SLC24A2: variants seen among roughly 807,000 people sequenced by gnomAD.
The protein encoded by SLC24A2 is sodium/potassium/calcium exchanger 2.
In SLC24A2, 36 loss-of-function variants were observed where a neutral mutation model predicts 62.0. That is an observed-to-expected ratio of 0.58 (90% confidence interval 0.44 to 0.77). The LOEUF (loss-of-function observed/expected upper bound fraction) is 0.77, where lower values mean the gene tolerates loss of function less well. Ranked by LOEUF, SLC24A2 falls within the 30% of genes least tolerant of loss-of-function variation. The pLI is 0.00. For missense variants in SLC24A2, 846 were observed against 817.9 expected (o/e 1.03, Z -0.42); for synonymous variants, 358 against 294.0 (o/e 1.22, Z -2.23).
At chr9:19,736,293 T>C (rs1233256883) in intron 2 of SLC24A2, among the ~76,000 whole-genome samples, 1 of 151,980 alleles carries the variant, frequency 6.6e-6, no homozygotes, top group Admixed American at 6.6e-5. Context: ...AGAAAACAGA[T>C]GATGGATTTA....
chr9:19,555,653 A>C (rs1238685803), intron 7 of SLC24A2, among the ~76,000 whole-genome samples: 1 of 152,228 alleles, frequency 6.6e-6, no homozygotes, highest in African/African-American at 2.4e-5. Context: ...TCAGGTTGAA[A>C]AGACTTGAGA....
chr9:20,217,843 G>C, the SLC24A2 span, among the ~76,000 whole-genome samples: 1 of 152,266 alleles, frequency 6.6e-6, no homozygotes, highest in Non-Finnish European at 1.5e-5. Flanking sequence ...CCTGATCCCA[G>C]TTTGCTTTTG....
chr9:20,070,098 A>G, the SLC24A2 span, among the ~76,000 whole-genome samples: 2 of 152,228 alleles, frequency 1.3e-5, no homozygotes, highest in Non-Finnish European at 2.9e-5. Context: ...CTTTAAATGA[A>G]CATTAAATTG....
the SLC24A2 span, among the ~76,000 whole-genome samples, chr9:20,083,750 C>T: frequency 5.9e-5 from 9 of 152,178 alleles, no homozygotes; most frequent in Admixed American, 3.3e-4. Context: ...GCCCCCTCAG[C>T]AATTATTCAT....
At chr9:19,821,725 A>G in the SLC24A2 span, among the ~76,000 whole-genome samples, 1 of 152,174 alleles carries the variant, frequency 6.6e-6, no homozygotes, top group African/African-American at 2.4e-5. Context: ...AATATTGTAT[A>G]TCCTAACTTT....
At chr9:19,775,332 T>A (rs1388802154) in intron 2 of SLC24A2, among the ~76,000 whole-genome samples, 1 of 152,228 alleles carries the variant, frequency 6.6e-6, no homozygotes, top group Non-Finnish European at 1.5e-5. Flanking sequence ...TTCCACCTGA[T>A]GACAAGCTCA....
At chr9:20,177,746 A>G in the SLC24A2 span, among the ~76,000 whole-genome samples, 1 of 152,256 alleles carries the variant, frequency 6.6e-6, no homozygotes, top group Non-Finnish European at 1.5e-5. Flanking sequence ...AGACAAGAAA[A>G]CTAGTATCTA....
At chr9:19,736,340 T>C (rs1339548145) in intron 2 of SLC24A2, among the ~76,000 whole-genome samples, 1 of 152,058 alleles carries the variant, frequency 6.6e-6, no homozygotes, top group Non-Finnish European at 1.5e-5. Flanking sequence ...CAAATGCAAA[T>C]TGATTAAATC....
the SLC24A2 span, among the ~76,000 whole-genome samples, chr9:20,258,848 T>TGC: frequency 7.0e-6 from 1 of 141,854 alleles, no homozygotes; most frequent in East Asian, 2.1e-4. Flanking sequence ...TATCTATCTA[T>TGC]CTATCTAATG....
At chr9:19,827,154 A>C in the SLC24A2 span, among the ~76,000 whole-genome samples, 1 of 152,274 alleles carries the variant, frequency 6.6e-6, no homozygotes, top group East Asian at 1.9e-4. Context: ...TAACACACAC[A>C]CAAGGCTGAG....
the SLC24A2 span, among the ~76,000 whole-genome samples, chr9:19,880,945 C>T: frequency 1.3e-5 from 2 of 152,098 alleles, no homozygotes; most frequent in African/African-American, 4.8e-5. Flanking sequence ...AGGTTCCAGT[C>T]TTGGCTCTTT....
chr9:19,889,487 C>G, the SLC24A2 span, among the ~76,000 whole-genome samples: 128 of 141,430 alleles, frequency 9.1e-4, no homozygotes, highest in African/African-American at 3.1e-3. Context: ...CCATAGGCCT[C>G]CATTCATGCT....
chr9:19,787,592 T>G (rs1823213065), intron 1 of SLC24A2, among the ~76,000 whole-genome samples: 1 of 152,240 alleles, frequency 6.6e-6, no homozygotes, highest in South Asian at 2.1e-4. Context: ...TATCAGATCT[T>G]ATTTTTCATA....
intron 5 of SLC24A2, among the ~76,000 whole-genome samples, chr9:19,581,670 T>C (rs561771995): frequency 1.3e-5 from 2 of 152,258 alleles, no homozygotes; most frequent in South Asian, 4.2e-4. Flanking sequence ...ATATTTAAAA[T>C]AGAATTGATG....
chr9:20,239,136 A>G, the SLC24A2 span, among the ~76,000 whole-genome samples: 2 of 152,200 alleles, frequency 1.3e-5, no homozygotes, highest in African/African-American at 2.4e-5. Flanking sequence ...ACAACATCCT[A>G]TCCAAATAGC....
At chr9:20,046,421 G>T in the SLC24A2 span, among the ~76,000 whole-genome samples, 31 of 152,242 alleles carry the variant, frequency 2.0e-4, no homozygotes, top group Non-Finnish European at 4.4e-4. Context: ...CTCCAGATTG[G>T]CAATGCCAAG....
the SLC24A2 span, among the ~76,000 whole-genome samples, chr9:20,001,067 A>G: frequency 6.6e-6 from 1 of 152,200 alleles, no homozygotes; most frequent in East Asian, 1.9e-4. Flanking sequence ...TCACTTTAAA[A>G]ATAAACAATC....
the SLC24A2 span, among the ~76,000 whole-genome samples, chr9:20,137,728 G>A: frequency 3.9e-5 from 6 of 152,096 alleles, no homozygotes; most frequent in Admixed American, 3.9e-4. Context: ...TATTTTTAGA[G>A]CTACAAACAG....
At chr9:20,023,913 C>T in the SLC24A2 span, among the ~76,000 whole-genome samples, 1 of 152,174 alleles carries the variant, frequency 6.6e-6, no homozygotes, top group Non-Finnish European at 1.5e-5. Flanking sequence ...CTGTGGACAT[C>T]CTAGAGTGAG....
Sources: allele counts gnomAD v4.1 joint callset (sites outside exome capture counted in the v4.1 genomes callset), GRCh38; gene constraint gnomAD v4.1.1; transcripts MANE v1.5; gene names NCBI Gene and HGNC (gene_info 2026-07-23, HGNC 2026-07-21).